ANAPC1: variants seen among roughly 807,000 people sequenced by gnomAD.
ANAPC1 encodes the protein anaphase-promoting complex subunit 1.
ANAPC1 carries 36 observed loss-of-function variants against 208.0 expected under a neutral mutation model. That is an observed-to-expected ratio of 0.17 (90% CI 0.13 to 0.23). The LOEUF is 0.23. Ranked by LOEUF, ANAPC1 falls within the 10% of genes least tolerant of loss-of-function variation. The pLI is 1.00. For synonymous variants in ANAPC1, 378 were observed against 695.2 expected, an observed-to-expected ratio of 0.54 and a Z score of 7.18; for missense variants, 942 against 2,011.6, an observed-to-expected ratio of 0.47 and a Z score of 10.17.
At chr2:111,821,772 A>G (rs1160972136) in intron 25 of ANAPC1, 12 of 346,384 alleles carry the variant, frequency 3.5e-5, no homozygotes, top group Non-Finnish European at 5.5e-6. Context: ...ATTTAAAAAG[A>G]TAATTGGAGA....
chr2:111,870,348 T>C (rs940337904), intron 6 of ANAPC1, among the ~76,000 whole-genome samples: 4 of 152,232 alleles, frequency 2.6e-5, no homozygotes, highest in Non-Finnish European at 4.4e-5. Context: ...TGTATAAGCA[T>C]TCCCCTTCCA....
intron 16 of ANAPC1, among the ~76,000 whole-genome samples, chr2:111,844,557 G>A (rs1680946608): frequency 3.1e-5 from 4 of 129,044 alleles, no homozygotes; most frequent in Admixed American, 8.5e-5. Flanking sequence ...TGACTAGAGC[G>A]AAACTCTGTC....
intron 20 of ANAPC1, among the ~76,000 whole-genome samples, chr2:111,832,622 A>C (rs1209747517): frequency 6.6e-6 from 1 of 152,182 alleles, no homozygotes; most frequent in Non-Finnish European, 1.5e-5. Flanking sequence ...TGTACACTAC[A>C]AGTCTAAGTT....
At chr2:111,831,848 A>G (rs1183771663) in intron 20 of ANAPC1, among the ~76,000 whole-genome samples, 8 of 126,380 alleles carry the variant, frequency 6.3e-5, no homozygotes, top group Admixed American at 1.6e-4. Flanking sequence ...AAAAAAAAAG[A>G]ATAACGTTTT....
chr2:111,796,999 A>G, intron 34 of ANAPC1, among the ~76,000 whole-genome samples: 1 of 150,984 alleles, frequency 6.6e-6, no homozygotes, highest in Non-Finnish European at 1.5e-5. Context: ...AAAACAAAAA[A>G]CGACCACTGT....
intron 24 of ANAPC1, among the ~76,000 whole-genome samples, chr2:111,823,064 C>CAGT (rs1325111375): frequency 2.6e-5 from 3 of 117,614 alleles, no homozygotes; most frequent in Non-Finnish European, 4.8e-5. Flanking sequence ...GGATGGAGTG[C>CAGT]AGTGGCGCGA....
At chr2:111,844,984 T>G (rs1226812114) in intron 16 of ANAPC1, among the ~76,000 whole-genome samples, 1 of 152,234 alleles carries the variant, frequency 6.6e-6, no homozygotes, top group Non-Finnish European at 1.5e-5. Flanking sequence ...TAGCAAGGAC[T>G]ACAGATGCAT....
At position 111,858,488 on chromosome 2, in the gene ANAPC1, C is replaced by G. The variant is rs1681864002; in HGVS notation, c.1263-87G>C. On this transcript the variant is annotated intron_variant, in intron 10 of 47. Transcript: ENST00000341068. ...TATTAAAAGTCTTTGAGGCCGGGCG[C>G]GGTGGCTCACACCTGTAATCCCAAC... 4 of 1,050,322 alleles carry G rather than the reference C, an allele frequency of 3.8e-6. No individual in the cohort carries two copies. In the African/African-American group the frequency reaches 6.7e-5, roughly 18 times the overall value. The allele number at this position is 1,050,322 out of a possible 1,614,324, so 65.1% of individuals were successfully genotyped here.
intron 45 of ANAPC1, 72 bp downstream of exon 45, chr2:111,778,603 A>G (rs577246064): frequency 9.6e-7 from 1 of 1,045,214 alleles, no homozygotes; most frequent in Admixed American, 2.3e-5. Context: ...GAACCTTACC[A>G]CACTATTCAG....
intron 28 of ANAPC1, among the ~76,000 whole-genome samples, chr2:111,810,308 G>A (rs1246597996): frequency 9.8e-6 from 1 of 102,524 alleles, no homozygotes; most frequent in Non-Finnish European, 2.5e-5. Context: ...AAGGTGGGGG[G>A]GGGTGAGGTA....
At chr2:111,820,915 G>C (rs1050394075) in intron 26 of ANAPC1, among the ~76,000 whole-genome samples, 2 of 103,908 alleles carry the variant, frequency 1.9e-5, no homozygotes, top group Non-Finnish European at 5.0e-5. Flanking sequence ...TGTTTTCTTT[G>C]TTTGTAAATT....
intron 11 of ANAPC1, among the ~76,000 whole-genome samples, chr2:111,857,977 T>TAC (rs1490360698): frequency 6.6e-6 from 1 of 151,778 alleles, no homozygotes; most frequent in Admixed American, 6.6e-5. Flanking sequence ...ATTATATATA[T>TAC]ATAAATGTCC....
At chr2:111,792,275 T>C (rs1677917852) in intron 38 of ANAPC1, 87 bp downstream of exon 38, 1 of 793,564 alleles carries the variant, frequency 1.3e-6, no homozygotes, top group African/African-American at 1.8e-5. Flanking sequence ...ATTTAAATTT[T>C]TCATGTTATC....
At chr2:111,786,065 A>C (rs1677529789) in intron 39 of ANAPC1, among the ~76,000 whole-genome samples, 1 of 150,852 alleles carries the variant, frequency 6.6e-6, no homozygotes, top group African/African-American at 2.4e-5. Context: ...TTAGAATGTA[A>C]AAACAAAAAA....
Position 111,794,093 on chromosome 2 carries a change from T to C in ANAPC1, c.4503A>G (p.Ala1501=), listed in dbSNP as rs574814231. The C allele has an allele frequency of 2.4e-5, 34 of 1,410,556 alleles. 1 individual carries two copies. The South Asian group carries it at 3.9e-4, about 16-fold the overall frequency. The allele number at this position is 1,410,556 out of a possible 1,614,324, so 87.4% of individuals were successfully genotyped here. ...AAAGACTTACAACAGAAGCATTAGG[T>C]GCGGACAAATAAGTCATAAAATCTT... is the stretch of plus-strand genomic sequence containing the variant. ...FAKDFMTYLS[A]PNASVTGPHN... The change falls in exon 37 of 48, where the codon GCA becomes GCG. Residue 1501 remains alanine, a synonymous_variant. Coordinates refer to ENST00000341068, the MANE Select transcript of ANAPC1 (RefSeq NM_022662.4).
intron 20 of ANAPC1, among the ~76,000 whole-genome samples, chr2:111,832,892 C>T (rs1415555899): frequency 4.9e-5 from 7 of 142,496 alleles, no homozygotes; most frequent in Admixed American, 4.5e-4. Flanking sequence ...GAGCCAAGAT[C>T]GCGCCACTGC....
chr2:111,866,442 A>G (rs943342508), intron 7 of ANAPC1: 1 of 153,032 alleles, frequency 6.5e-6, no homozygotes, highest in Non-Finnish European at 1.4e-5. Context: ...CACTGAAGAC[A>G]AGGCCAGGCG....
intron 6 of ANAPC1, among the ~76,000 whole-genome samples, chr2:111,868,388 T>C (rs1307525940): frequency 6.6e-6 from 1 of 152,200 alleles, no homozygotes; most frequent in Non-Finnish European, 1.5e-5. Context: ...TGGAGTAATG[T>C]GCATAAAGCG....
At chr2:111,865,111 A>C (rs1311857212) in intron 7 of ANAPC1, among the ~76,000 whole-genome samples, 160 bp from the exon 8 acceptor site, 1 of 151,668 alleles carries the variant, frequency 6.6e-6, no homozygotes, top group East Asian at 1.9e-4. Context: ...AATTTTTAAT[A>C]AATTTACTTT....
Sources: gnomAD v4.1 joint callset for allele counts (sites outside exome capture counted in the v4.1 genomes callset) on GRCh38, gnomAD v4.1.1 for gene constraint, MANE v1.5 for transcripts, NCBI Gene and HGNC (gene_info 2026-07-23, HGNC 2026-07-21) for gene names.